The following TENM3 variants were observed in gnomAD, a reference collection of about 807,000 sequenced individuals.
The protein encoded by TENM3 is teneurin transmembrane protein 3.
A neutral mutation model predicts 255.1 loss-of-function variants in TENM3; 63 were observed. The observed-to-expected ratio is 0.25, with a 90% CI of 0.20 to 0.30. The LOEUF is 0.30. Ranked by LOEUF, TENM3 falls within the 10% of genes least tolerant of loss-of-function variation. TENM3 has a pLI of 1.00. For synonymous variants in TENM3, 1,306 were observed against 1,322.3 expected, an observed-to-expected ratio of 0.99 and a Z score of 0.27; for missense variants, 2,929 against 3,461.1, an observed-to-expected ratio of 0.85 and a Z score of 3.86.
At chr4:182,127,190 G>A in the TENM3 span, among the ~76,000 whole-genome samples, 554 of 152,298 alleles carry the variant, frequency 3.6e-3, 1 homozygote, top group African/African-American at 0.012. Context: ...TCTTAAGAAT[G>A]TATGTGCAAA....
At chr4:181,530,654 C>T in the TENM3 span, among the ~76,000 whole-genome samples, 1 of 152,176 alleles carries the variant, frequency 6.6e-6, no homozygotes, top group Non-Finnish European at 1.5e-5. Flanking sequence ...AAATATGCAT[C>T]TTCCTTTTCA....
chr4:182,376,717 C>T (rs995976919), intron 3 of TENM3, among the ~76,000 whole-genome samples: 4 of 151,852 alleles, frequency 2.6e-5, no homozygotes, highest in Non-Finnish European at 5.9e-5. Context: ...GAGCGATGGC[C>T]ATTGGACCCA....
chr4:181,551,838 ATGTGTGTG>A, the TENM3 span, among the ~76,000 whole-genome samples: 13,734 of 138,414 alleles, frequency 0.099, 762 homozygotes, highest in East Asian at 0.16. Context: ...ATATATGTAT[ATGTGTGTG>A]TGTGTGTGTG....
chr4:181,623,947 T>G, the TENM3 span, among the ~76,000 whole-genome samples: 12 of 152,362 alleles, frequency 7.9e-5, no homozygotes, highest in Admixed American at 2.6e-4. Context: ...TTTGGTGGTG[T>G]TCTTTTCTTC....
the TENM3 span, among the ~76,000 whole-genome samples, chr4:181,591,490 G>T: frequency 6.6e-6 from 1 of 152,178 alleles, no homozygotes; most frequent in South Asian, 2.1e-4. Context: ...ATCAGTAAAT[G>T]AATGGATAAA....
At chr4:181,589,254 G>A in the TENM3 span, among the ~76,000 whole-genome samples, 1 of 152,204 alleles carries the variant, frequency 6.6e-6, no homozygotes, top group Non-Finnish European at 1.5e-5. Context: ...GTGGCCTCAT[G>A]TAAACACATA....
At chr4:181,677,480 T>C in the TENM3 span, among the ~76,000 whole-genome samples, 4 of 152,164 alleles carry the variant, frequency 2.6e-5, no homozygotes, top group African/African-American at 9.6e-5. Context: ...AGAAGTCCTC[T>C]GGTCTTTTAA....
chr4:181,883,153 G>A, the TENM3 span, among the ~76,000 whole-genome samples: 1 of 46,654 alleles, frequency 2.1e-5, no homozygotes, highest in South Asian at 4.2e-4. Flanking sequence ...CTTAATAACT[G>A]GTTTAGTTCA....
chr4:181,480,172 T>C, the TENM3 span, among the ~76,000 whole-genome samples: 1 of 152,244 alleles, frequency 6.6e-6, no homozygotes, highest in East Asian at 1.9e-4. Context: ...CTACCACATT[T>C]ATTTAAAATG....
At chr4:182,162,725 C>A (rs1487945393) in intron 1 of TENM3, among the ~76,000 whole-genome samples, 1 of 152,190 alleles carries the variant, frequency 6.6e-6, no homozygotes, top group Non-Finnish European at 1.5e-5. Flanking sequence ...GCCTCAAATA[C>A]TGCATCCTCC....
chr4:181,824,112 TA>T, the TENM3 span, among the ~76,000 whole-genome samples: 1 of 152,130 alleles, frequency 6.6e-6, no homozygotes, highest in African/African-American at 2.4e-5. Context: ...ATAATCTATA[TA>T]TTTTTTGAGA....
chr4:182,333,026 G>C (rs1446816413), intron 2 of TENM3, among the ~76,000 whole-genome samples: 1 of 152,134 alleles, frequency 6.6e-6, no homozygotes, highest in South Asian at 2.1e-4. Context: ...GAGCAAACTT[G>C]TCAACACCAA....
the TENM3 span, among the ~76,000 whole-genome samples, chr4:181,775,380 G>A: frequency 6.6e-5 from 10 of 152,100 alleles, no homozygotes; most frequent in African/African-American, 2.4e-4. Context: ...GTTTGGGGCT[G>A]AGTTTCTTGT....
intron 3 of TENM3, among the ~76,000 whole-genome samples, chr4:182,483,597 G>C (rs1734412794): frequency 1.3e-5 from 2 of 152,124 alleles, no homozygotes; most frequent in Admixed American, 1.3e-4. Flanking sequence ...TGTCTAGGAA[G>C]GTATAGCAAT....
intron 1 of TENM3, among the ~76,000 whole-genome samples, chr4:182,323,634 G>A (rs185422616): frequency 2.5e-4 from 38 of 152,200 alleles, no homozygotes; most frequent in East Asian, 1.9e-3. Context: ...AACTATTGAA[G>A]CCAATTTTTA....
At chr4:182,757,105 G>A (rs1762794943) in intron 22 of TENM3, among the ~76,000 whole-genome samples, 1 of 152,030 alleles carries the variant, frequency 6.6e-6, no homozygotes, top group African/African-American at 2.4e-5. Context: ...GAGGTCAGGA[G>A]ATCAAGACCA....
At chr4:182,121,587 A>G in the TENM3 span, among the ~76,000 whole-genome samples, 1 of 152,226 alleles carries the variant, frequency 6.6e-6, no homozygotes, top group Non-Finnish European at 1.5e-5. Flanking sequence ...TATAAAAGTT[A>G]TGTTTACACT....
intron 5 of TENM3, among the ~76,000 whole-genome samples, chr4:182,635,328 G>A (rs1751753740): frequency 6.6e-6 from 1 of 152,142 alleles, no homozygotes; most frequent in African/African-American, 2.4e-5. Flanking sequence ...CGGTCCAATG[G>A]TGTTTAGTGT....
At chr4:182,326,783 T>C (rs1261197443) in intron 2 of TENM3, among the ~76,000 whole-genome samples, 2 of 152,100 alleles carry the variant, frequency 1.3e-5, no homozygotes, top group African/African-American at 4.8e-5. Context: ...CCTCAAGCAA[T>C]CCTCTTACTT....
Sources: gnomAD v4.1 joint callset for allele counts (sites outside exome capture counted in the v4.1 genomes callset) on GRCh38, gnomAD v4.1.1 for gene constraint, MANE v1.5 for transcripts, NCBI Gene and HGNC (gene_info 2026-07-23, HGNC 2026-07-21) for gene names.